Variants in DNAH14 observed in about 807,000 individuals in gnomAD.
DNAH14 encodes dynein axonemal heavy chain 14.
DNAH14 carries 478 observed loss-of-function variants against 520.9 expected under a neutral mutation model. The ratio of observed to expected loss-of-function variants is 0.92; its 90% CI spans 0.85 to 0.99. DNAH14 has a LOEUF of 0.99. Among genes scored for constraint, DNAH14 ranks in the 50% least tolerant of loss-of-function variants. DNAH14 has a pLI of 0.00. For missense variants in DNAH14, 4,831 were observed against 5,234.5 expected, an observed-to-expected ratio of 0.92 and a Z score of 2.38; for synonymous variants, 1,581 against 1,757.2, an observed-to-expected ratio of 0.90 and a Z score of 2.51.
At chr1:225,135,344 G>A (rs775510870) in intron 27 of DNAH14, among the ~76,000 whole-genome samples, 1 of 152,104 alleles carries the variant, frequency 6.6e-6, no homozygotes, top group Non-Finnish European at 1.5e-5. Flanking sequence ...AGAGATTCTG[G>A]TATGTTGTCT....
At chr1:224,934,817 C>G (rs542023054) in intron 1 of DNAH14, among the ~76,000 whole-genome samples, 1 of 151,774 alleles carries the variant, frequency 6.6e-6, no homozygotes, top group Admixed American at 6.6e-5. Context: ...CCCCATTAGA[C>G]TACTATAGAT....
At chr1:225,117,010 A>G (rs1262631575) in intron 23 of DNAH14, among the ~76,000 whole-genome samples, 1 of 152,136 alleles carries the variant, frequency 6.6e-6, no homozygotes. Context: ...AGGGCTTCTT[A>G]TATTGTTATA....
chr1:225,083,413 C>A (rs2073371271), intron 20 of DNAH14, among the ~76,000 whole-genome samples: 1 of 152,052 alleles, frequency 6.6e-6, no homozygotes, highest in African/African-American at 2.4e-5. Context: ...TTTTAAAAAA[C>A]AACTTTTGTT....
At chr1:225,147,367 T>A (rs2080050061) in intron 31 of DNAH14, 118 bp downstream of exon 31, 2 of 1,092,060 alleles carry the variant, frequency 1.8e-6, no homozygotes, top group Admixed American at 3.6e-5. Flanking sequence ...GTGTTTTTTT[T>A]TTAAAGCACA....
At chr1:225,397,738 A>G (rs966976622) in intron 84 of DNAH14, 1 of 152,206 alleles carries the variant, frequency 6.6e-6, no homozygotes, top group Non-Finnish European at 1.5e-5. Context: ...TATTTAACCT[A>G]TATCATTCAA....
At chr1:225,027,617 G>A (rs761944281) in intron 11 of DNAH14, among the ~76,000 whole-genome samples, 1 of 152,058 alleles carries the variant, frequency 6.6e-6, no homozygotes, top group Non-Finnish European at 1.5e-5. Flanking sequence ...GCTGGATCAG[G>A]AGGAAGAGAT....
At chr1:225,270,574 T>C (rs1402800591) in intron 49 of DNAH14, among the ~76,000 whole-genome samples, 161 bp from the exon 50 acceptor site, 2 of 152,222 alleles carry the variant, frequency 1.3e-5, no homozygotes, top group Non-Finnish European at 2.9e-5. Flanking sequence ...TAAGATAGAT[T>C]TCTATTACCA....
chr1:225,395,453 G>T (rs555198369), intron 84 of DNAH14, among the ~76,000 whole-genome samples: 1 of 151,842 alleles, frequency 6.6e-6, no homozygotes, highest in African/African-American at 2.4e-5. Context: ...TTAGCCGGGC[G>T]TAGTGGCGGG....
At chr1:225,149,069 G>C (rs2080232608) in intron 31 of DNAH14, among the ~76,000 whole-genome samples, 1 of 144,780 alleles carries the variant, frequency 6.9e-6, no homozygotes, top group Admixed American at 6.7e-5. Context: ...TGTCTTCCAG[G>C]GTTTTTATAG....
intron 54 of DNAH14, among the ~76,000 whole-genome samples, chr1:225,281,912 C>T (rs557751945): frequency 6.6e-6 from 1 of 152,170 alleles, no homozygotes; most frequent in East Asian, 1.9e-4. Flanking sequence ...TGATAGTTAA[C>T]AACACTGTAT....
intron 8 of DNAH14, among the ~76,000 whole-genome samples, chr1:224,999,994 G>T (rs2063646821): frequency 6.6e-6 from 1 of 152,070 alleles, no homozygotes; most frequent in Admixed American, 6.6e-5. Context: ...TGTTTATCAT[G>T]TTCTTTCTTC....
intron 8 of DNAH14, among the ~76,000 whole-genome samples, chr1:224,986,312 G>C (rs568344532): frequency 1.5e-5 from 2 of 129,320 alleles, no homozygotes; most frequent in East Asian, 4.2e-4. Flanking sequence ...CCAGACAAAG[G>C]CTTATTAAAA....
Position 225,346,488 on chromosome 1 carries a change from A to G in DNAH14, c.11130A>G (p.Lys3710=). The G allele has an allele frequency of 1.3e-6, 2 of 1,550,870 alleles. No homozygotes were observed. The highest frequency in any genetic ancestry group is 1.7e-6 in the Non-Finnish European group (2 of 1,146,744). The change falls in exon 71 of 86, where the codon AAA becomes AAG. Residue 3710 remains lysine (K), a synonymous_variant. Transcript: ENST00000682510. ...VVSSALFNED[K]LCFSFRLCTV... ...CTTCAGCTCTATTTAATGAAGATAA[A>G]CTTTGCTTCTCTTTTCGGCTTTGCA...
At chr1:225,169,773 A>G (rs951394509) in intron 36 of DNAH14, among the ~76,000 whole-genome samples, 1 of 152,230 alleles carries the variant, frequency 6.6e-6, no homozygotes, top group South Asian at 2.1e-4. Flanking sequence ...GGAGAACGCC[A>G]CAAAGATACT....
intron 23 of DNAH14, among the ~76,000 whole-genome samples, chr1:225,104,686 G>C (rs930083124): frequency 6.6e-6 from 1 of 152,154 alleles, no homozygotes; most frequent in Non-Finnish European, 1.5e-5. Context: ...GGTGTTGATA[G>C]TATTCTCTGA....
chr1:225,086,175 C>T (rs1208990408), intron 21 of DNAH14, among the ~76,000 whole-genome samples: 1 of 151,724 alleles, frequency 6.6e-6, no homozygotes, highest in Non-Finnish European at 1.5e-5. Context: ...CTCCGTCACC[C>T]AGGCTGGAGT....
At chr1:225,372,088 G>A (rs958524706) in intron 77 of DNAH14, among the ~76,000 whole-genome samples, 8 of 152,058 alleles carry the variant, frequency 5.3e-5, no homozygotes, top group Admixed American at 2.0e-4. Flanking sequence ...TCCACAGTTC[G>A]TTTTTTTAAT....
At chr1:225,169,209 A>C (rs576833140) in intron 36 of DNAH14, among the ~76,000 whole-genome samples, 2 of 152,356 alleles carry the variant, frequency 1.3e-5, no homozygotes, top group East Asian at 3.9e-4. Context: ...AACAGAGAAG[A>C]AAAACTGAAA....
At chr1:225,243,923 C>T (rs970513964) in intron 43 of DNAH14, among the ~76,000 whole-genome samples, 4 of 151,740 alleles carry the variant, frequency 2.6e-5, no homozygotes, top group African/African-American at 7.3e-5. Context: ...TGCATTGTGC[C>T]GGTTTTCAAA....
Sources: gnomAD v4.1 joint callset for allele counts (sites outside exome capture counted in the v4.1 genomes callset) on GRCh38, gnomAD v4.1.1 for gene constraint, MANE v1.5 for transcripts, NCBI Gene and HGNC (gene_info 2026-07-23, HGNC 2026-07-21) for gene names.